Variants in EPM2A observed in about 807,000 individuals in gnomAD.
EPM2A encodes EPM2A glucan phosphatase, laforin, also known as laforin.
In EPM2A, 21 loss-of-function variants were observed where a neutral mutation model predicts 26.5. The observed-to-expected ratio is 0.79, with a 90% CI of 0.56 to 1.14. The LOEUF (loss-of-function observed/expected upper bound fraction) is 1.14, where lower values mean the gene tolerates loss of function less well. Ranked by LOEUF, EPM2A falls within the 50% of genes most tolerant of loss-of-function variation. The probability of loss-of-function intolerance (pLI) is 0.00; values close to 1 mark genes in which losing one functional copy is unlikely to be tolerated. For synonymous variants in EPM2A, 217 were observed against 177.6 expected, an observed-to-expected ratio of 1.22 and a Z score of -1.76; for missense variants, 458 against 440.8, an observed-to-expected ratio of 1.04 and a Z score of -0.35.
At chr6:145,611,224 T>A (rs1019221700) in intron 2 of EPM2A, among the ~76,000 whole-genome samples, 4 of 152,196 alleles carry the variant, frequency 2.6e-5, no homozygotes, top group Admixed American at 2.6e-4. Context: ...TGTTTGCTTA[T>A]GGACACCTTA....
At chr6:145,509,415 A>G (rs1780022779) in intron 2 of EPM2A, among the ~76,000 whole-genome samples, 1 of 152,230 alleles carries the variant, frequency 6.6e-6, no homozygotes, top group South Asian at 2.1e-4. Context: ...ACAAGCCAGA[A>G]AAGATTGGGG....
chr6:145,687,919 A>G (rs1357031390), intron 1 of EPM2A, among the ~76,000 whole-genome samples: 1 of 152,170 alleles, frequency 6.6e-6, no homozygotes, highest in Non-Finnish European at 1.5e-5. Flanking sequence ...ACCAAACTAC[A>G]CTAGCAACCT....
chr6:145,493,247 C>T (rs1240919898), intron 4 of EPM2A, among the ~76,000 whole-genome samples: 6 of 152,070 alleles, frequency 3.9e-5, no homozygotes, highest in Non-Finnish European at 8.8e-5. Context: ...CCCTTGTTAG[C>T]TGTAATTGTG....
At chr6:145,457,346 T>C (rs1779274340) in intron 4 of EPM2A, among the ~76,000 whole-genome samples, 1 of 151,678 alleles carries the variant, frequency 6.6e-6, no homozygotes, top group Admixed American at 6.6e-5. Flanking sequence ...TAGCAGGGCA[T>C]GGTGGTGGGT....
At chr6:145,500,406 C>T (rs1779874278), downstream of EPM2A, among the ~76,000 whole-genome samples, 1 of 152,206 alleles carries the variant, frequency 6.6e-6, no homozygotes, top group African/African-American at 2.4e-5. Context: ...TTCAGCCTCA[C>T]AATCTAAGCA....
intron 2 of EPM2A, among the ~76,000 whole-genome samples, chr6:145,514,326 T>C (rs560001512): frequency 6.6e-6 from 1 of 152,138 alleles, no homozygotes; most frequent in East Asian, 1.9e-4. Context: ...GGACGTGAGC[T>C]CAGAGTCAAA....
intron 4 of EPM2A, among the ~76,000 whole-genome samples, chr6:145,452,123 G>A (rs1036070156): frequency 2.6e-5 from 4 of 152,148 alleles, no homozygotes; most frequent in African/African-American, 9.7e-5. Context: ...CCTCAGGATT[G>A]AGAATTTACC....
At position 145,627,387 on chromosome 6, in the gene EPM2A, T is replaced by A. The variant is rs764411572; in HGVS notation, c.*29A>T. ...CATCATCCCAGGCTCCTTAGGGAAA[T>A]CAGGAGGGGGCAGAAGCAGGCTGAC... On this transcript the variant is annotated 3_prime_UTR_variant, in exon 4 of 4. Transcript: ENST00000367519. 5 of 1,613,396 alleles carry A rather than the reference T, an allele frequency of 3.1e-6. No individual in the cohort carries two copies. Among genetic ancestry groups the A allele is most frequent in the Non-Finnish European group, 4.2e-6 (5 of 1,180,022 alleles).
At chr6:145,436,293 G>A (rs1778987538) in intron 4 of EPM2A, among the ~76,000 whole-genome samples, 1 of 152,080 alleles carries the variant, frequency 6.6e-6, no homozygotes, top group Admixed American at 6.6e-5. Flanking sequence ...TTATAATGTT[G>A]CCATAAAAGT....
chr6:145,427,195 A>G (rs950963969), intron 4 of EPM2A, among the ~76,000 whole-genome samples: 10 of 152,314 alleles, frequency 6.6e-5, no homozygotes, highest in Admixed American at 6.5e-4. Context: ...TTGCTCTCCT[A>G]TAGCTAACAT....
intron 4 of EPM2A, among the ~76,000 whole-genome samples, chr6:145,465,724 G>A (rs959014253): frequency 3.9e-5 from 6 of 152,078 alleles, no homozygotes; most frequent in South Asian, 4.2e-4. Flanking sequence ...TGGAGTACCC[G>A]GCCGTGTGAG....
chr6:145,444,128 T>G (rs907019568), intron 4 of EPM2A, among the ~76,000 whole-genome samples: 1 of 152,226 alleles, frequency 6.6e-6, no homozygotes, highest in Non-Finnish European at 1.5e-5. Flanking sequence ...CTGACTGCTC[T>G]GGCCAGGACT....
intron 2 of EPM2A, among the ~76,000 whole-genome samples, chr6:145,618,967 G>A (rs1252056706): frequency 6.6e-6 from 1 of 152,142 alleles, no homozygotes; most frequent in Non-Finnish European, 1.5e-5. Flanking sequence ...AACAATCCAG[G>A]TCAGCGTGGA....
At chr6:145,528,029 A>G (rs1487832925) in intron 2 of EPM2A, among the ~76,000 whole-genome samples, 1 of 152,184 alleles carries the variant, frequency 6.6e-6, no homozygotes, top group South Asian at 2.1e-4. Context: ...TAGCCACAAC[A>G]TTCCCTTAAA....
At position 145,384,846 on chromosome 6, in the gene EPM2A, T is replaced by C. The variant is rs1052693859; in HGVS notation, c.556-749A>G. On this transcript the variant is annotated intron_variant, in intron 4 of 4. Coordinates refer to the EPM2A transcript ENST00000638717. ...GTATTTCATAGAAGAAAGAGCATCA[T>C]ATTGGAAAGTCTAGAGTAAACTTTT... Among the ~76,000 whole-genome samples the C allele has an allele frequency of 2.6e-4, 38 of 147,734 alleles. 4 individuals carry two copies. The highest frequency in any genetic ancestry group is 8.8e-4 in the African/African-American group (35 of 39,864).
rs1780254194 is a variant in EPM2A, at chr6:145,525,203, T to C, written c.341-22628A>G. ...AGTACAGTTTGAAGCTGGGTTAATG[T>C]GATGCCTTCAATTTTATTTATTTAT... On this transcript the variant is annotated intron_variant, in intron 2 of 3. Transcript: ENST00000450221. Among the ~76,000 whole-genome samples the C allele has an allele frequency of 2.7e-5, 4 of 150,502 alleles. 1 individual carries two copies. Among genetic ancestry groups the C allele is most frequent in the Admixed American group, 2.7e-4 (4 of 15,068 alleles).
At chr6:145,470,086 A>G (rs9390326) in intron 4 of EPM2A, among the ~76,000 whole-genome samples, 68,149 of 151,834 alleles carry the variant, frequency 0.45, 15,939 homozygotes, top group Non-Finnish European at 0.52. Context: ...ATAGCTAAAT[A>G]GAATGAATAA....
At chr6:145,479,340 G>T in intron 4 of EPM2A, among the ~76,000 whole-genome samples, 2 of 147,444 alleles carry the variant, frequency 1.4e-5, no homozygotes, top group African/African-American at 2.5e-5. Context: ...TATGATTCAA[G>T]GGTATTAATT....
At chr6:145,675,971 G>C (rs1232438953) in intron 2 of EPM2A, among the ~76,000 whole-genome samples, 1 of 152,126 alleles carries the variant, frequency 6.6e-6, no homozygotes, top group Non-Finnish European at 1.5e-5. Flanking sequence ...AAAATCAACA[G>C]AATATACATT....
Sources: allele counts gnomAD v4.1 joint callset (sites outside exome capture counted in the v4.1 genomes callset), GRCh38; gene constraint gnomAD v4.1.1; transcripts MANE v1.5; gene names NCBI Gene and HGNC (gene_info 2026-07-23, HGNC 2026-07-21).